Variants in HSPA9 observed in about 807,000 individuals in gnomAD.
HSPA9 encodes the protein heat shock protein family A (Hsp70) member 9, also known as stress-70 protein, mitochondrial.
In HSPA9, 28 loss-of-function variants were observed where a neutral mutation model predicts 81.5. The observed-to-expected ratio is 0.34, with a 90% CI of 0.25 to 0.47. The LOEUF is 0.47. Ranked by LOEUF, HSPA9 falls within the 20% of genes least tolerant of loss-of-function variation. The pLI, the probability that HSPA9 is intolerant of heterozygous loss-of-function variation, is 1.00. For missense variants in HSPA9, 678 were observed against 838.0 expected (o/e 0.81, Z 2.36); for synonymous variants, 293 against 290.4 (o/e 1.01, Z -0.09).
chr5:138,567,643 C>T lies in HSPA9; in HGVS notation c.609+6G>A. ...TTTTGTGAATAAGAATGCTAATTGA[C>T]CTCACCTGTCTCTGCGAGTCATTGA... On this transcript the variant is annotated splice_donor_region_variant and intron_variant, in intron 6 of 16. Transcript: ENST00000297185. 1 of 1,613,182 alleles carries T rather than the reference C, an allele frequency of 6.2e-7. No homozygotes were observed. The highest frequency in any genetic ancestry group is 8.5e-7 in the Non-Finnish European group (1 of 1,179,246).
rs544217181 is a variant in HSPA9 at position 138,566,910 on chromosome 5, G to A, written c.879+91C>T. ...TATCTGTGTCTAGAATAAGGGGGTTGAACTGAACTCGTAAACAAAGCAAAG... is the reference window on the plus strand; with the variant it reads ...TATCTGTGTCTAGAATAAGGGGGTTAAACTGAACTCGTAAACAAAGCAAAG... On this transcript the variant is annotated intron_variant, in intron 8 of 16. Transcript: ENST00000297185. The A allele has an allele frequency of 2.1e-4, 285 of 1,363,618 alleles. 3 individuals carry two copies. The African/African-American group carries it at 3.7e-3, about 18-fold the overall frequency. 84.5% of individuals were successfully genotyped at this position (1,363,618 alleles called of 1,614,324 possible). A position where few individuals can be genotyped will look rare whatever the true frequency, so the allele number is the denominator to read the frequency against.
At chr5:138,558,849 CTG>C in intron 11 of HSPA9, 192 bp from the exon 12 acceptor site, 3 of 564,434 alleles carry the variant, frequency 5.3e-6, no homozygotes, top group South Asian at 1.9e-5. Context: ...ACAATAGCAA[CTG>C]TTTCAGCTAA....
At chr5:138,574,583 C>G (rs1751041554) in intron 1 of HSPA9, among the ~76,000 whole-genome samples, 1 of 152,246 alleles carries the variant, frequency 6.6e-6, no homozygotes, top group Admixed American at 6.5e-5. Flanking sequence ...TGGCGTTTCA[C>G]TAGGATAAAA....
chr5:138,572,684 T>G (rs1250622440), intron 3 of HSPA9, among the ~76,000 whole-genome samples: 1 of 152,170 alleles, frequency 6.6e-6, no homozygotes, highest in African/African-American at 2.4e-5. Flanking sequence ...TCTTCTGAAA[T>G]AACCTGAACT....
At chr5:138,572,668 A>G (rs577837841) in intron 3 of HSPA9, among the ~76,000 whole-genome samples, 159 of 151,664 alleles carry the variant, frequency 1.0e-3, no homozygotes, top group African/African-American at 3.7e-3. Context: ...TTTCCCCCCA[A>G]TCTCCTCTTC....
At chr5:138,570,542 T>A (rs1750859809) in intron 4 of HSPA9, among the ~76,000 whole-genome samples, 1 of 152,192 alleles carries the variant, frequency 6.6e-6, no homozygotes, top group Non-Finnish European at 1.5e-5. Context: ...TGGAGTGCAG[T>A]GGCAGTGATC....
chr5:138,560,495 A>C (rs1161560866), intron 10 of HSPA9, among the ~76,000 whole-genome samples: 1 of 152,172 alleles, frequency 6.6e-6, no homozygotes, highest in Non-Finnish European at 1.5e-5. Context: ...AACATGGGGC[A>C]TGGTCTTCCC....
chr5:138,566,205 A>G (rs1750756529), intron 9 of HSPA9, among the ~76,000 whole-genome samples: 2 of 151,144 alleles, frequency 1.3e-5, no homozygotes, highest in Non-Finnish European at 2.9e-5. Context: ...AAAAAAAAAA[A>G]AAAAAAAAAG....
intron 5 of HSPA9, among the ~76,000 whole-genome samples, chr5:138,568,163 C>T (rs1417622277): frequency 1.3e-5 from 2 of 150,338 alleles, no homozygotes; most frequent in Non-Finnish European, 2.9e-5. Flanking sequence ...CTAGCTTGGG[C>T]GACAGAGCGA....
chr5:138,568,349 A>G (rs1051040734), intron 5 of HSPA9, among the ~76,000 whole-genome samples: 3 of 151,712 alleles, frequency 2.0e-5, no homozygotes, highest in East Asian at 1.9e-4. Context: ...TAAAAACACA[A>G]AAGTGGCTAG....
intron 9 of HSPA9, among the ~76,000 whole-genome samples, chr5:138,565,727 T>G (rs256016): frequency 0.055 from 8,378 of 152,230 alleles, 298 homozygotes; most frequent in African/African-American, 0.1. Context: ...ATTATTGTCA[T>G]TTTTTGACAC....
In HSPA9 at chr5:138,573,919, A is replaced by G. The variant is rs920180624; in HGVS notation, c.141-69T>C. 4 of 1,340,570 alleles carry G rather than the reference A, an allele frequency of 3.0e-6. No homozygotes were observed. The African/African-American group carries it at 5.8e-5, about 19-fold the overall frequency. The allele number at this position is 1,340,570 out of a possible 1,614,324, so 83.0% of individuals were successfully genotyped here. On this transcript the variant is annotated intron_variant, in intron 2 of 16. Transcript: ENST00000297185. ...TAGACCAAAGTCACTGGAAGATAATATTTAATTGGAAAATTAACAGTGGTA... is the reference window on the plus strand; with the variant it reads ...TAGACCAAAGTCACTGGAAGATAATGTTTAATTGGAAAATTAACAGTGGTA...
intron 5 of HSPA9, among the ~76,000 whole-genome samples, chr5:138,568,304 G>GCCTGA (rs1750809438): frequency 6.6e-6 from 1 of 151,934 alleles, no homozygotes; most frequent in Non-Finnish European, 1.5e-5. Context: ...TTGGAGACCA[G>GCCTGA]CCTGACCAAC....
chr5:138,571,846 G>C (rs1378454028), intron 3 of HSPA9, among the ~76,000 whole-genome samples: 1 of 131,406 alleles, frequency 7.6e-6, no homozygotes. Flanking sequence ...ACTTTTAGTA[G>C]AGATGGGGTT....
intron 10 of HSPA9, chr5:138,560,984 T>C: frequency 2.2e-6 from 1 of 446,512 alleles, no homozygotes; most frequent in Non-Finnish European, 4.7e-6. Context: ...AAGGTCACTA[T>C]CTTAGGTCCA....
chr5:138,568,128 T>C (rs1750804152), intron 5 of HSPA9, among the ~76,000 whole-genome samples: 2 of 150,718 alleles, frequency 1.3e-5, no homozygotes, highest in South Asian at 4.2e-4. Context: ...GAGGTTGCAG[T>C]GAGACAAGAT....
intron 9 of HSPA9, among the ~76,000 whole-genome samples, 155 bp from the exon 10 acceptor site, chr5:138,561,944 C>CTT (rs112918142): frequency 4.8e-5 from 7 of 145,670 alleles, no homozygotes; most frequent in South Asian, 2.2e-4. Context: ...ACCAAGAATA[C>CTT]TTTTTTTTTT....
At chr5:138,560,765 G>A (rs1436205366) in intron 10 of HSPA9, 2 of 353,124 alleles carry the variant, frequency 5.7e-6, no homozygotes, top group Non-Finnish European at 1.1e-5. Flanking sequence ...AGCCAGGATG[G>A]TCTCGATCTC....
intron 7 of HSPA9, 60 bp from the exon 8 acceptor site, chr5:138,567,223 A>G (rs1235441580): frequency 7.0e-7 from 1 of 1,419,254 alleles, no homozygotes; most frequent in East Asian, 2.4e-5. Flanking sequence ...ACCTATCACC[A>G]GGATATAAAT....
Sources: gnomAD v4.1 joint callset for allele counts (sites outside exome capture counted in the v4.1 genomes callset) on GRCh38, gnomAD v4.1.1 for gene constraint, MANE v1.5 for transcripts, NCBI Gene and HGNC (gene_info 2026-07-23, HGNC 2026-07-21) for gene names.